The following VRK2 variants were observed in gnomAD, a reference collection of about 807,000 sequenced individuals.
VRK2 encodes the protein serine/threonine-protein kinase VRK2.
In VRK2, 60 loss-of-function variants were observed where a neutral mutation model predicts 57.6. That is an observed-to-expected ratio of 1.04 (90% CI 0.85 to 1.29). The LOEUF (loss-of-function observed/expected upper bound fraction) is 1.29. Ranked by LOEUF, VRK2 falls within the 50% of genes most tolerant of loss-of-function variation. The pLI is 0.00. For missense variants in VRK2, 705 were observed against 588.1 expected, an observed-to-expected ratio of 1.20 and a Z score of -2.06; for synonymous variants, 231 against 199.2, an observed-to-expected ratio of 1.16 and a Z score of -1.35.
chr2:58,004,960 G>A (rs1673198789), intron 1 of VRK2, among the ~76,000 whole-genome samples: 1 of 152,082 alleles, frequency 6.6e-6, no homozygotes, highest in African/African-American at 2.4e-5. Flanking sequence ...AGTCCAGTTA[G>A]CTGGTCATTA....
At chr2:58,107,088 C>T (rs1674863310) in intron 7 of VRK2, among the ~76,000 whole-genome samples, 1 of 151,044 alleles carries the variant, frequency 6.6e-6, no homozygotes, top group Non-Finnish European at 1.5e-5. Flanking sequence ...CATGTTGCTG[C>T]TTCATTTGTC....
At chr2:58,084,221 T>G in intron 3 of VRK2, 83 bp downstream of exon 3, 1 of 1,386,060 alleles carries the variant, frequency 7.2e-7, no homozygotes, top group Non-Finnish European at 9.9e-7. Context: ...ACGTTAATTT[T>G]TGTAACTATT....
At chr2:57,928,298 G>A (rs919697320) in intron 1 of VRK2, among the ~76,000 whole-genome samples, 2 of 151,758 alleles carry the variant, frequency 1.3e-5, no homozygotes, top group Admixed American at 6.6e-5. Flanking sequence ...TTCTTCTTCT[G>A]CTTGATTAAT....
intron 2 of VRK2, among the ~76,000 whole-genome samples, chr2:58,031,221 G>T (rs1674101093): frequency 6.6e-6 from 1 of 152,076 alleles, no homozygotes; most frequent in South Asian, 2.1e-4. Flanking sequence ...GCCAGTGTCT[G>T]CACTGTGGGT....
intron 11 of VRK2, among the ~76,000 whole-genome samples, chr2:58,143,869 C>T (rs1268101407): frequency 6.6e-6 from 1 of 151,496 alleles, no homozygotes; most frequent in Non-Finnish European, 1.5e-5. Flanking sequence ...GGTCCGTAAC[C>T]ACAATATTAT....
chr2:57,973,569 A>C (rs1382461110), intron 1 of VRK2, among the ~76,000 whole-genome samples: 1 of 151,808 alleles, frequency 6.6e-6, no homozygotes, highest in African/African-American at 2.4e-5. Context: ...ACCTCTCAAT[A>C]AGATGAAAGG....
At chr2:57,953,850 T>A (rs59571208) in intron 1 of VRK2, among the ~76,000 whole-genome samples, 2,234 of 152,312 alleles carry the variant, frequency 0.015, 85 homozygotes, top group African/African-American at 0.052. Context: ...TATATTAATC[T>A]GAATTTTTAT....
intron 1 of VRK2, among the ~76,000 whole-genome samples, chr2:57,971,611 T>A (rs150066277): frequency 1.1e-3 from 170 of 152,008 alleles, no homozygotes; most frequent in Non-Finnish European, 2.0e-3. Flanking sequence ...GAGTACTTTG[T>A]AGGTAAAATA....
Position 58,159,781 on chromosome 2 carries a change from G to C in VRK2, c.*88G>C. 3 of 1,612,928 alleles carry C rather than the reference G, an allele frequency of 1.9e-6. No homozygotes were observed. Among genetic ancestry groups the C allele is most frequent in the Non-Finnish European group, 2.5e-6 (3 of 1,179,544 alleles). ...ATTCTTATTTCAGTGTTTCCTTCCA[G>C]ACATTTTTAAGGTAATTGGCTTTAA... On this transcript the variant is annotated 3_prime_UTR_variant, in exon 13 of 13. Coordinates refer to ENST00000340157, the MANE Select transcript of VRK2 (RefSeq NM_006296.7).
intron 1 of VRK2, among the ~76,000 whole-genome samples, chr2:58,019,332 T>A (rs1159898637): frequency 6.6e-6 from 1 of 152,190 alleles, no homozygotes; most frequent in Non-Finnish European, 1.5e-5. Flanking sequence ...CCGCTTTTTT[T>A]TAGGAAATTC....
intron 1 of VRK2, among the ~76,000 whole-genome samples, chr2:57,974,266 T>C (rs1672180420): frequency 6.6e-6 from 1 of 151,994 alleles, no homozygotes; most frequent in Non-Finnish European, 1.5e-5. Flanking sequence ...TATAATATCT[T>C]TCTTTCCAAA....
intron 2 of VRK2, among the ~76,000 whole-genome samples, chr2:58,051,449 A>G (rs1368606731): frequency 6.6e-6 from 1 of 152,168 alleles, no homozygotes; most frequent in African/African-American, 2.4e-5. Context: ...AGTTTTTACT[A>G]TTTTCAAAGC....
At chr2:57,963,079 T>C (rs1166459254) in intron 1 of VRK2, among the ~76,000 whole-genome samples, 1 of 152,166 alleles carries the variant, frequency 6.6e-6, no homozygotes, top group African/African-American at 2.4e-5. Context: ...ATAGATAATC[T>C]CAAAGTCCCA....
At chr2:58,149,234 C>T (rs1159716246) in intron 12 of VRK2, among the ~76,000 whole-genome samples, 1 of 151,342 alleles carries the variant, frequency 6.6e-6, no homozygotes, top group Non-Finnish European at 1.5e-5. Flanking sequence ...TATACATCTT[C>T]CATTAAAATT....
At chr2:57,969,031 G>T (rs945470902) in intron 1 of VRK2, among the ~76,000 whole-genome samples, 3 of 152,054 alleles carry the variant, frequency 2.0e-5, no homozygotes, top group Admixed American at 6.6e-5. Context: ...TACCATTAAA[G>T]ATTTTCTTTT....
chr2:58,035,051 T>C (rs543358988), intron 3 of VRK2, among the ~76,000 whole-genome samples: 12 of 152,162 alleles, frequency 7.9e-5, no homozygotes, highest in African/African-American at 2.9e-4. Flanking sequence ...TTGGTTAGTA[T>C]GTTCTCTACT....
At chr2:58,018,088 T>C (rs1237052678) in intron 1 of VRK2, 1 of 152,154 alleles carries the variant, frequency 6.6e-6, no homozygotes, top group African/African-American at 2.4e-5. Context: ...CCTCCCAAGG[T>C]AAAAGCGATT....
intron 3 of VRK2, among the ~76,000 whole-genome samples, chr2:58,036,608 AT>A (rs1674282167): frequency 6.6e-6 from 1 of 152,058 alleles, no homozygotes; most frequent in South Asian, 2.1e-4. Flanking sequence ...ATATACAGAA[AT>A]ACTATGTAAA....
intron 7 of VRK2, among the ~76,000 whole-genome samples, chr2:58,097,616 C>CAT (rs1056940017): frequency 3.3e-5 from 5 of 152,182 alleles, no homozygotes; most frequent in Non-Finnish European, 7.4e-5. Flanking sequence ...CAACGGACCA[C>CAT]ATATACAACA....
Sources: allele counts gnomAD v4.1 joint callset (sites outside exome capture counted in the v4.1 genomes callset), GRCh38; gene constraint gnomAD v4.1.1; transcripts MANE v1.5; gene names NCBI Gene and HGNC (gene_info 2026-07-23, HGNC 2026-07-21).